The following ZMYM2 variants were observed in gnomAD, a reference collection of about 807,000 sequenced individuals.
The protein encoded by ZMYM2 is zinc finger MYM-type containing 2.
ZMYM2 carries 56 observed loss-of-function variants against 162.8 expected under a neutral mutation model. The ratio of observed to expected loss-of-function variants is 0.34; its 90% CI spans 0.28 to 0.43. The LOEUF (loss-of-function observed/expected upper bound fraction) is 0.43. ZMYM2 is among the 20% of genes least tolerant of loss of function. ZMYM2 has a pLI of 1.00. For synonymous variants in ZMYM2, 510 were observed against 541.6 expected (o/e 0.94, Z 0.81); for missense variants, 1,275 against 1,621.8 (o/e 0.79, Z 3.67).
the ZMYM2 span, among the ~76,000 whole-genome samples, chr13:19,921,382 T>C: frequency 6.6e-6 from 1 of 152,090 alleles, no homozygotes; most frequent in Admixed American, 6.6e-5. Context: ...TCAAGTGATC[T>C]GCCTGCTTGG....
rs1437086864 is a variant in ZMYM2 at position 19,958,790 on chromosome 13, G to C, written c.-131G>C. On this transcript the variant is annotated 5_prime_UTR_variant, in exon 1 of 25. Transcript: ENST00000610343. ...CGGAGTTGTGCGTGTCGCCGAAGGGGGGTGGGCCGGGGGAGGGGAGGTTCG... is the reference window on the plus strand; with the variant it reads ...CGGAGTTGTGCGTGTCGCCGAAGGGCGGTGGGCCGGGGGAGGGGAGGTTCG... The C allele has an allele frequency of 1.3e-5, 2 of 152,978 alleles. No homozygotes were observed. The highest frequency in any genetic ancestry group is 2.9e-5 in the Non-Finnish European group (2 of 68,618). 9.5% of individuals were successfully genotyped at this position (152,978 alleles called of 1,614,324 possible).
chr13:20,058,982 T>G, intron 15 of ZMYM2: 1 of 496,300 alleles, frequency 2.0e-6, no homozygotes, highest in Non-Finnish European at 3.7e-6. Context: ...ACTACTAAAA[T>G]TATAATGCTT....
the ZMYM2 span, among the ~76,000 whole-genome samples, chr13:19,915,997 C>G: frequency 6.6e-6 from 1 of 151,584 alleles, no homozygotes; most frequent in Non-Finnish European, 1.5e-5. Flanking sequence ...GTAGCTGGGA[C>G]TACAGGGGCC....
the ZMYM2 span, among the ~76,000 whole-genome samples, chr13:19,911,434 GAAACTTGGTACACTGTC>G: frequency 2.6e-5 from 4 of 152,170 alleles, no homozygotes; most frequent in Non-Finnish European, 5.9e-5. Context: ...CCTTGAGGAA[GAAACTTGGTACACTGTC>G]AAACATTTAT....
rs900095078 is a variant in ZMYM2, at chr13:20,002,720, G to A, written c.848-130G>A. On this transcript the variant is annotated intron_variant, in intron 3 of 24. Transcript: ENST00000610343. ...CAAAACTTGTGCTATATACCTCTCT[G>A]CTATGTTGCTGTTCCATTAACATCT... 14 of 1,153,514 alleles carry A rather than the reference G, an allele frequency of 1.2e-5. No homozygotes were observed. The Admixed American group carries it at 3.6e-4, about 30-fold the overall frequency. The allele number at this position is 1,153,514 out of a possible 1,614,324, so 71.5% of individuals were successfully genotyped here.
intron 5 of ZMYM2, 36 bp from the exon 6 acceptor site, chr13:20,006,338 A>G: frequency 2.0e-6 from 3 of 1,524,742 alleles, no homozygotes; most frequent in Non-Finnish European, 2.7e-6. Context: ...TGTCAGATTG[A>G]TCTGTTTTGT....
At chr13:20,085,708 A>AG in intron 24 of ZMYM2, 114 bp from the exon 25 acceptor site, 2 of 786,080 alleles carry the variant, frequency 2.5e-6, no homozygotes, top group Non-Finnish European at 1.9e-6. Flanking sequence ...AGTGGGGCAT[A>AG]GGGGGTCTGG....
chr13:19,955,501 T>C (rs1954484759), upstream of ZMYM2, among the ~76,000 whole-genome samples: 1 of 152,220 alleles, frequency 6.6e-6, no homozygotes, highest in East Asian at 1.9e-4. Flanking sequence ...GCAGTCTGGC[T>C]CTTTAAGCTG....
At chr13:20,065,961 T>G (rs1956641530) in intron 19 of ZMYM2, among the ~76,000 whole-genome samples, 1 of 152,224 alleles carries the variant, frequency 6.6e-6, no homozygotes. Flanking sequence ...CTTCAGTTTC[T>G]GTTACAGTAA....
chr13:19,960,913 C>T (rs569925124), intron 2 of ZMYM2, among the ~76,000 whole-genome samples: 1 of 152,156 alleles, frequency 6.6e-6, no homozygotes, highest in East Asian at 1.9e-4. Context: ...AGTATTCAGT[C>T]CACATGGTTC....
intron 3 of ZMYM2, among the ~76,000 whole-genome samples, chr13:19,996,978 G>T (rs1453497311): frequency 6.6e-6 from 1 of 152,164 alleles, no homozygotes. Flanking sequence ...AGACTGTAGT[G>T]CTCTGTGCTG....
intron 12 of ZMYM2, among the ~76,000 whole-genome samples, chr13:20,039,473 GTTT>G (rs71070289): frequency 7.9e-5 from 8 of 101,202 alleles, no homozygotes; most frequent in Admixed American, 1.0e-4. Flanking sequence ...TTTATTGAGA[GTTT>G]TTTTTTTTTT....
At chr13:20,069,211 T>C (rs1296649721) in intron 21 of ZMYM2, among the ~76,000 whole-genome samples, 1 of 152,192 alleles carries the variant, frequency 6.6e-6, no homozygotes, top group African/African-American at 2.4e-5. Context: ...CACCTATGAA[T>C]AAGGACAGTT....
At chr13:20,067,627 C>G (rs527589152) in intron 21 of ZMYM2, among the ~76,000 whole-genome samples, 1 of 152,266 alleles carries the variant, frequency 6.6e-6, no homozygotes, top group Admixed American at 6.5e-5. Context: ...GGCTATAGAT[C>G]CATGCTGATC....
At chr13:19,921,431 C>T in the ZMYM2 span, among the ~76,000 whole-genome samples, 3 of 152,164 alleles carry the variant, frequency 2.0e-5, no homozygotes, top group South Asian at 2.1e-4. Flanking sequence ...TGAACCACGG[C>T]GCCCAAACTT....
At chr13:20,074,271 G>A (rs1045226397) in intron 21 of ZMYM2, among the ~76,000 whole-genome samples, 19 of 151,358 alleles carry the variant, frequency 1.3e-4, no homozygotes, top group African/African-American at 3.2e-4. Context: ...TCACTCTGGC[G>A]CCCAGGCTGG....
the ZMYM2 span, among the ~76,000 whole-genome samples, chr13:19,938,982 C>G: frequency 6.7e-6 from 1 of 149,206 alleles, no homozygotes; most frequent in African/African-American, 2.5e-5. Context: ...AATTAGATCT[C>G]AAAAAAGCCA....
At chr13:20,076,979 G>T (rs1335151769) in intron 21 of ZMYM2, among the ~76,000 whole-genome samples, 3 of 150,254 alleles carry the variant, frequency 2.0e-5, no homozygotes, top group Non-Finnish European at 4.4e-5. Flanking sequence ...GGGACTACAG[G>T]CCACCATGCC....
At chr13:20,007,011 G>T (rs980159676) in intron 6 of ZMYM2, among the ~76,000 whole-genome samples, 1 of 152,196 alleles carries the variant, frequency 6.6e-6, no homozygotes, top group Admixed American at 6.5e-5. Flanking sequence ...AATGCTATCA[G>T]AATGATTCCT....
Sources: gnomAD v4.1 joint callset for allele counts (sites outside exome capture counted in the v4.1 genomes callset) on GRCh38, gnomAD v4.1.1 for gene constraint, MANE v1.5 for transcripts, NCBI Gene and HGNC (gene_info 2026-07-23, HGNC 2026-07-21) for gene names.